Variants in GPR107 observed in about 807,000 individuals in gnomAD.
GPR107 encodes the protein G protein-coupled receptor 107, also known as protein GPR107.
Under a neutral mutation model 75.5 loss-of-function variants are expected in GPR107, and 31 were observed. That is an observed-to-expected ratio of 0.41 (90% CI 0.31 to 0.55). The LOEUF is 0.55. GPR107 is among the 20% of genes least tolerant of loss of function. GPR107 has a pLI of 0.26. For missense variants in GPR107, 572 were observed against 665.7 expected (o/e 0.86, Z 1.55); for synonymous variants, 267 against 251.3 (o/e 1.06, Z -0.59).
intron 14 of GPR107, among the ~76,000 whole-genome samples, chr9:130,118,250 T>C (rs560876711): frequency 6.6e-6 from 1 of 152,200 alleles, no homozygotes; most frequent in African/African-American, 2.4e-5. Flanking sequence ...ACTCAGTTGA[T>C]GGCAACGACC....
At chr9:130,056,133 C>G (rs1167165185) in intron 1 of GPR107, among the ~76,000 whole-genome samples, 1 of 151,678 alleles carries the variant, frequency 6.6e-6, no homozygotes. Context: ...TAGAACCTCT[C>G]TCCAGAAAAG....
At position 130,085,797 on chromosome 9, in the gene GPR107, A is replaced by G. The variant is rs113280604; in HGVS notation, c.565-623A>G. ...GCCGGGGGGAACGCAGTCTTGCTCT[A>G]CCACCCAGGCTGGAGTGCAGTGGCA... is the stretch of plus-strand genomic sequence containing the variant. On this transcript the variant is annotated intron_variant, in intron 6 of 17. Coordinates refer to ENST00000347136, the MANE Select transcript of GPR107 (RefSeq NM_020960.5). Among the ~76,000 whole-genome samples the G allele has an allele frequency of 6.9e-3, 683 of 98,756 alleles. 7 individuals carry two copies. The highest frequency in any genetic ancestry group is 0.026 in the African/African-American group (650 of 25,222). The allele number at this position is 98,756 out of a possible 152,430, so 64.8% of individuals were successfully genotyped here.
At chr9:130,055,527 CAAAA>C (rs60907055) in intron 1 of GPR107, among the ~76,000 whole-genome samples, 12 of 108,070 alleles carry the variant, frequency 1.1e-4, no homozygotes, top group Admixed American at 1.8e-4. Context: ...GACTCCGTCT[CAAAA>C]AAAAAAAAAA....
At chr9:130,065,018 G>T (rs1589482087) in intron 1 of GPR107, among the ~76,000 whole-genome samples, 2 of 152,304 alleles carry the variant, frequency 1.3e-5, no homozygotes, top group South Asian at 4.1e-4. Context: ...GCTACCCAGT[G>T]TGTGGCTATT....
intron 1 of GPR107, among the ~76,000 whole-genome samples, chr9:130,056,635 C>T (rs1274318758): frequency 6.6e-6 from 1 of 151,224 alleles, no homozygotes; most frequent in Non-Finnish European, 1.5e-5. Context: ...TAAGAAAGTT[C>T]ACAAATTTGG....
intron 1 of GPR107, among the ~76,000 whole-genome samples, chr9:130,069,845 C>G (rs2132549868): frequency 1.3e-5 from 2 of 151,954 alleles, no homozygotes; most frequent in African/African-American, 4.8e-5. Flanking sequence ...ACCACCACAC[C>G]CGGCAAATTT....
intron 1 of GPR107, among the ~76,000 whole-genome samples, chr9:130,072,590 A>T (rs1830236583): frequency 6.6e-6 from 1 of 152,046 alleles, no homozygotes; most frequent in African/African-American, 2.4e-5. Context: ...TACTGCCATG[A>T]GCCATCGTGC....
rs879639587 is a variant in GPR107, at chr9:130,113,526, C to T, written c.1306+5987C>T. On this transcript the variant is annotated intron_variant, in intron 14 of 17. Transcript: ENST00000347136. The stretch of plus-strand genomic sequence containing the variant: ...GATTATAGGTGTGAGCCACCACACC[C>T]GGCCAGTTTCCCAGTTCTTATAAGA... 2.8e-4 allele frequency among the ~76,000 whole-genome samples: 42 copies of T among 152,300 alleles called. 1 individual carries two copies. The highest frequency in any genetic ancestry group is 2.6e-3 in the Admixed American group (39 of 15,294).
chr9:130,082,115 A>G lies in GPR107; in HGVS notation c.527-1450A>G, dbSNP rs538083667. ...GATCATGCCTGAACTCGGAGCAAGA[A>G]CTCACTCCTTACCACAAGGAGGGCA... On this transcript the variant is annotated intron_variant, in intron 5 of 17. Coordinates refer to ENST00000347136, the MANE Select transcript of GPR107 (RefSeq NM_020960.5). 3.2e-4 allele frequency among the ~76,000 whole-genome samples: 48 copies of G among 152,184 alleles called. No individual in the cohort carries two copies. In the South Asian group the frequency reaches 6.4e-3, roughly 20 times the overall value.
intron 1 of GPR107, among the ~76,000 whole-genome samples, chr9:130,056,924 C>CAAAAAAAAAAAAAAAAAAAA (rs11442007): frequency 4.7e-5 from 2 of 42,896 alleles, no homozygotes; most frequent in Admixed American, 4.1e-4. Context: ...GACTCCTTCT[C>CAAAAAAAAAAAAAAAAAAAA]AAAAAAAAAA....
Position 130,077,294 on chromosome 9 carries a change from C to T in GPR107, c.307-5C>T. The T allele has an allele frequency of 6.8e-7, 1 of 1,479,788 alleles. No individual in the cohort carries two copies. The highest frequency in any genetic ancestry group is 9.5e-7 in the Non-Finnish European group (1 of 1,057,352). The allele number at this position is 1,479,788 out of a possible 1,614,324, so 91.7% of individuals were successfully genotyped here. A position where few individuals can be genotyped will look rare whatever the true frequency, so the allele number is the denominator to read the frequency against. On this transcript the variant is annotated splice_region_variant and splice_polypyrimidine_tract_variant and intron_variant, in intron 3 of 17. Coordinates refer to ENST00000347136, the MANE Select transcript of GPR107 (RefSeq NM_020960.5). The stretch of plus-strand genomic sequence containing the variant: ...ATGATGTACAATTGGCTCTTCCTTT[C>T]TCAGGATGAAGATGTGAATTACTGT...
intron 1 of GPR107, among the ~76,000 whole-genome samples, chr9:130,068,227 C>T (rs1007603012): frequency 7.2e-5 from 11 of 152,012 alleles, no homozygotes; most frequent in South Asian, 2.1e-4. Context: ...TCAGTGAGAC[C>T]GCAGGGGAAG....
At chr9:130,101,310 C>A (rs1484564190) in intron 12 of GPR107, 87 bp downstream of exon 12, 2 of 749,362 alleles carry the variant, frequency 2.7e-6, no homozygotes, top group Non-Finnish European at 4.8e-6. Context: ...GAGGGAGTCA[C>A]CTCACCCTGA....
At chr9:130,065,613 A>G (rs1371277173) in intron 1 of GPR107, among the ~76,000 whole-genome samples, 1 of 150,408 alleles carries the variant, frequency 6.6e-6, no homozygotes, top group Non-Finnish European at 1.5e-5. Context: ...CAAAAAATGC[A>G]AAAATTAGCC....
intron 14 of GPR107, among the ~76,000 whole-genome samples, chr9:130,118,120 A>G (rs1831468852): frequency 6.6e-6 from 1 of 152,130 alleles, no homozygotes. Context: ...CAAGCTGGGT[A>G]ACTTTGGTCA....
intron 6 of GPR107, among the ~76,000 whole-genome samples, chr9:130,086,177 C>T (rs1296741644): frequency 6.6e-6 from 1 of 152,054 alleles, no homozygotes; most frequent in African/African-American, 2.4e-5. Flanking sequence ...AGATTCAAGG[C>T]AGGGGGTGGA....
At chr9:130,056,083 G>A (rs1589474315) in intron 1 of GPR107, among the ~76,000 whole-genome samples, 2 of 147,652 alleles carry the variant, frequency 1.4e-5, no homozygotes, top group East Asian at 4.2e-4. Flanking sequence ...TGGGGGTGGG[G>A]CAAGTGAATT....
At chr9:130,084,902 G>A (rs778385085) in intron 6 of GPR107, among the ~76,000 whole-genome samples, 44 of 152,166 alleles carry the variant, frequency 2.9e-4, no homozygotes, top group Non-Finnish European at 5.0e-4. Context: ...AGCTGTCGCC[G>A]GGGCTGAGTC....
chr9:130,076,890 T>G (rs967558307), intron 3 of GPR107, among the ~76,000 whole-genome samples: 2 of 150,796 alleles, frequency 1.3e-5, no homozygotes, highest in African/African-American at 4.9e-5. Flanking sequence ...ACTTTTGTTT[T>G]TTGTTTTTTT....
Sources: gnomAD v4.1 joint callset for allele counts (sites outside exome capture counted in the v4.1 genomes callset) on GRCh38, gnomAD v4.1.1 for gene constraint, MANE v1.5 for transcripts, NCBI Gene and HGNC (gene_info 2026-07-23, HGNC 2026-07-21) for gene names.